NFIB: variants seen among roughly 807,000 people sequenced by gnomAD.
The protein encoded by NFIB is nuclear factor 1 B-type.
Under a neutral mutation model 61.5 loss-of-function variants are expected in NFIB, and 11 were observed. The observed-to-expected ratio is 0.18, with a 90% confidence interval of 0.11 to 0.30. The LOEUF is 0.30. Ranked by LOEUF, NFIB falls within the 10% of genes least tolerant of loss-of-function variation. The pLI is 1.00. For missense variants in NFIB, 471 were observed against 608.9 expected, an observed-to-expected ratio of 0.77 and a Z score of 2.38; for synonymous variants, 260 against 216.5, an observed-to-expected ratio of 1.20 and a Z score of -1.76.
chr9:14,295,915 A>G (rs905984139), intron 2 of NFIB, among the ~76,000 whole-genome samples: 1 of 152,200 alleles, frequency 6.6e-6, no homozygotes, highest in Non-Finnish European at 1.5e-5. Context: ...TTGATCAATA[A>G]ATTTAGTCTC....
At chr9:14,266,609 A>G (rs2057224904) in intron 2 of NFIB, among the ~76,000 whole-genome samples, 1 of 151,832 alleles carries the variant, frequency 6.6e-6, no homozygotes, top group African/African-American at 2.4e-5. Context: ...AAAAAACAAT[A>G]AAATAAAGTA....
chr9:14,197,992 G>C (rs2048637550), intron 2 of NFIB, among the ~76,000 whole-genome samples: 1 of 152,164 alleles, frequency 6.6e-6, no homozygotes, highest in Non-Finnish European at 1.5e-5. Context: ...AAAAGGGAAT[G>C]TTGGGGCTAC....
chr9:14,126,401 GGTA>G (rs960384856), intron 6 of NFIB, among the ~76,000 whole-genome samples: 5 of 152,216 alleles, frequency 3.3e-5, no homozygotes, highest in Non-Finnish European at 5.9e-5. Context: ...ATGGTTGAGA[GGTA>G]CAATGTGTGT....
At chr9:14,101,176 T>C (rs1222068297) in intron 10 of NFIB, among the ~76,000 whole-genome samples, 1 of 152,210 alleles carries the variant, frequency 6.6e-6, no homozygotes, top group Non-Finnish European at 1.5e-5. Flanking sequence ...TGAGTTTATC[T>C]TCTTTTTATA....
rs2042831332 is a variant in NFIB, at chr9:14,151,190, G to C, written c.686-925C>G. Among the ~76,000 whole-genome samples, 3 of 152,130 alleles carry C rather than the reference G, an allele frequency of 2.0e-5. No individual in the cohort carries two copies. In the South Asian group the frequency reaches 6.2e-4, roughly 31 times the overall value. ...TGATAAGAGCCTAGAATCATGCCTA[G>C]TGTATAACACGTGCTCAACCATTGT... On this transcript the variant is annotated intron_variant, in intron 4 of 10. Transcript: ENST00000380953.
chr9:14,090,631 T>A lies in NFIB; in HGVS notation c.1468-2305A>T, dbSNP rs140820222. Among the ~76,000 whole-genome samples, 14 of 152,214 alleles carry A rather than the reference T, an allele frequency of 9.2e-5. No individual in the cohort carries two copies. In the East Asian group the frequency reaches 2.7e-3, roughly 29 times the overall value. ...ATAAATTACAAAAATGGTTATACAT[T>A]ATTTTTAACTTGAAGTAAGAAGCAT... is the stretch of plus-strand genomic sequence containing the variant. On this transcript the variant is annotated intron_variant, in intron 10 of 10. Coordinates refer to ENST00000380953, the MANE Select transcript of NFIB (RefSeq NM_001190737.2).
At chr9:14,220,842 T>TCCACACACACACACAC (rs1554677586) in intron 2 of NFIB, among the ~76,000 whole-genome samples, 1 of 123,020 alleles carries the variant, frequency 8.1e-6, no homozygotes. Flanking sequence ...TCAATCTCCC[T>TCCACACACACACACAC]ACACACACAC....
chr9:14,200,283 C>T (rs956718282), intron 2 of NFIB, among the ~76,000 whole-genome samples: 7 of 152,076 alleles, frequency 4.6e-5, no homozygotes, highest in African/African-American at 1.4e-4. Flanking sequence ...AGAAAGATTA[C>T]AATAAACATA....
chr9:14,375,953 T>TGA lies in NFIB; in HGVS notation c.108+22569_108+22570dup, dbSNP rs548056736. On this transcript the variant is annotated intron_variant, in intron 1 of 8. Transcript: ENST00000380934. ...TTATGTGGTGTTTAAGGCACTAGCT[T>TGA]GAGAACCCAGTCTGCTGTGCATTAT... Among the ~76,000 whole-genome samples the TGA allele has an allele frequency of 1.3e-4, 20 of 152,358 alleles. No homozygotes were observed. In the South Asian group the frequency reaches 4.1e-3, roughly 32 times the overall value.
chr9:14,516,059 A>C, the NFIB span, among the ~76,000 whole-genome samples: 1 of 152,254 alleles, frequency 6.6e-6, no homozygotes, highest in Non-Finnish European at 1.5e-5. Context: ...CCGAGCCCTC[A>C]GGAAGCCAGC....
intron 2 of NFIB, among the ~76,000 whole-genome samples, chr9:14,228,608 G>C (rs982310804): frequency 2.6e-5 from 4 of 152,118 alleles, no homozygotes; most frequent in Admixed American, 2.0e-4. Context: ...ATTTATTTGG[G>C]CTATATTAAT....
At chr9:14,103,706 C>A (rs2036107774) in intron 10 of NFIB, among the ~76,000 whole-genome samples, 2 of 151,998 alleles carry the variant, frequency 1.3e-5, no homozygotes, top group Non-Finnish European at 2.9e-5. Flanking sequence ...CTATGAGGCT[C>A]TAAAAATACT....
the NFIB span, among the ~76,000 whole-genome samples, chr9:14,424,066 C>A: frequency 2.0e-5 from 3 of 152,222 alleles, no homozygotes; most frequent in Admixed American, 6.5e-5. Context: ...GAGAGAAGCT[C>A]TTTTAAGTTC....
At chr9:14,390,277 C>A (rs532614499) in intron 1 of NFIB, among the ~76,000 whole-genome samples, 7 of 152,264 alleles carry the variant, frequency 4.6e-5, no homozygotes, top group South Asian at 4.1e-4. Context: ...CTTTACCATT[C>A]TAAGCTTCAG....
the NFIB span, among the ~76,000 whole-genome samples, chr9:14,497,683 C>G: frequency 6.6e-6 from 1 of 152,184 alleles, no homozygotes; most frequent in Non-Finnish European, 1.5e-5. Context: ...TGGTAACTAT[C>G]ACTGTACACG....
chr9:14,341,939 GAAA>G (rs5896628), intron 1 of NFIB, among the ~76,000 whole-genome samples: 4,711 of 140,666 alleles, frequency 0.033, 245 homozygotes, highest in African/African-American at 0.11. Flanking sequence ...TCCTCGGGAG[GAAA>G]AAAAAAAAAA....
intron 2 of NFIB, among the ~76,000 whole-genome samples, chr9:14,281,682 T>A (rs1046205842): frequency 6.6e-6 from 1 of 152,154 alleles, no homozygotes; most frequent in Non-Finnish European, 1.5e-5. Context: ...AGTTGTGTTT[T>A]GACATTATAG....
chr9:14,102,528 G>T, intron 10 of NFIB: 1 of 1,548,606 alleles, frequency 6.5e-7, no homozygotes, highest in Non-Finnish European at 8.7e-7. Context: ...TTGAAACCTA[G>T]CAGTCAGATA....
At chr9:14,152,263 T>C (rs114154428) in intron 4 of NFIB, among the ~76,000 whole-genome samples, 3 of 152,130 alleles carry the variant, frequency 2.0e-5, no homozygotes, top group Non-Finnish European at 4.4e-5. Flanking sequence ...AAAATACTTG[T>C]ATCCAATGAG....
Sources: gnomAD v4.1 joint callset for allele counts (sites outside exome capture counted in the v4.1 genomes callset) on GRCh38, gnomAD v4.1.1 for gene constraint, MANE v1.5 for transcripts, NCBI Gene and HGNC (gene_info 2026-07-23, HGNC 2026-07-21) for gene names.